Variants in SYT9 observed in about 807,000 individuals in gnomAD.
SYT9 encodes the protein synaptotagmin-9.
In SYT9, 22 loss-of-function variants were observed where a neutral mutation model predicts 48.4. The observed-to-expected ratio is 0.45, with a 90% CI of 0.32 to 0.65. The LOEUF (loss-of-function observed/expected upper bound fraction) is 0.65, where lower values mean the gene tolerates loss of function less well. SYT9 is among the 30% of genes least tolerant of loss of function. The probability of loss-of-function intolerance (pLI) is 0.03; values close to 1 mark genes in which losing one functional copy is unlikely to be tolerated. For synonymous variants in SYT9, 265 were observed against 245.0 expected (o/e 1.08, Z -0.76); for missense variants, 577 against 622.0 (o/e 0.93, Z 0.77).
chr11:7,255,233 G>A (rs7943099), intron 1 of SYT9, among the ~76,000 whole-genome samples: 1 of 151,924 alleles, frequency 6.6e-6, no homozygotes. Context: ...AACAGCAAGC[G>A]CAAAGGCCCT....
chr11:7,376,633 G>T (rs192467028), intron 3 of SYT9, among the ~76,000 whole-genome samples: 1 of 152,176 alleles, frequency 6.6e-6, no homozygotes. Flanking sequence ...TGGATTCCCT[G>T]TAGCAGTTGG....
At chr11:7,388,263 A>G (rs1850698330) in intron 3 of SYT9, among the ~76,000 whole-genome samples, 1 of 152,136 alleles carries the variant, frequency 6.6e-6, no homozygotes, top group East Asian at 1.9e-4. Flanking sequence ...TTTAATCCAA[A>G]TTTTAAAATC....
intron 3 of SYT9, among the ~76,000 whole-genome samples, chr11:7,346,025 T>C (rs931399808): frequency 2.6e-5 from 4 of 152,034 alleles, no homozygotes; most frequent in Non-Finnish European, 4.4e-5. Flanking sequence ...CAAAGCTACA[T>C]TGAAGTTGAT....
intron 6 of SYT9, among the ~76,000 whole-genome samples, chr11:7,426,974 G>A (rs914263857): frequency 2.0e-5 from 3 of 152,136 alleles, no homozygotes; most frequent in African/African-American, 7.2e-5. Flanking sequence ...TTTACCTTGA[G>A]TTATCAGCCC....
chr11:7,274,016 A>G (rs1215201000), intron 1 of SYT9, among the ~76,000 whole-genome samples: 1 of 152,196 alleles, frequency 6.6e-6, no homozygotes, highest in Non-Finnish European at 1.5e-5. Context: ...ATGTATACCT[A>G]TGTAACAAAT....
chr11:7,463,985 T>A (rs941228669), intron 6 of SYT9, among the ~76,000 whole-genome samples: 5 of 152,078 alleles, frequency 3.3e-5, no homozygotes, highest in African/African-American at 1.2e-4. Context: ...GTAAAAAAAA[T>A]TGGCTAAGGT....
intron 3 of SYT9, among the ~76,000 whole-genome samples, chr11:7,396,397 A>G (rs1281919501): frequency 1.3e-5 from 2 of 152,132 alleles, no homozygotes; most frequent in South Asian, 2.1e-4. Flanking sequence ...TTCATTCAAC[A>G]TAGTGCTTTT....
chr11:7,348,012 G>C (rs1039835072), intron 3 of SYT9, among the ~76,000 whole-genome samples: 1 of 152,300 alleles, frequency 6.6e-6, no homozygotes, highest in East Asian at 1.9e-4. Context: ...GAGGGGAAGG[G>C]GGAGACATCC....
At chr11:7,279,813 C>A (rs7130626) in intron 1 of SYT9, among the ~76,000 whole-genome samples, 2,843 of 152,134 alleles carry the variant, frequency 0.019, 74 homozygotes, top group African/African-American at 0.065. Context: ...TGATTGTGAC[C>A]CAGAAATTTC....
chr11:7,402,095 G>T (rs753227900), intron 3 of SYT9, among the ~76,000 whole-genome samples: 11 of 151,670 alleles, frequency 7.3e-5, no homozygotes, highest in Admixed American at 4.6e-4. Flanking sequence ...TCTTTAATTT[G>T]TGGATAATTT....
chr11:7,452,546 A>G (rs904978878), intron 6 of SYT9, among the ~76,000 whole-genome samples: 1 of 152,200 alleles, frequency 6.6e-6, no homozygotes, highest in Admixed American at 6.5e-5. Context: ...GGGTTTCCAC[A>G]TGTTGCTCCT....
At position 7,452,477 on chromosome 11, in the gene SYT9, T is replaced by G. The variant is rs575703660; in HGVS notation, c.1468-14315T>G. ...TGTGCAATGTCTTGAGAGGCTGCTC[T>G]GAAGAAGTTCTAATTTTTGACAAAG... On this transcript the variant is annotated intron_variant, in intron 6 of 6. Coordinates refer to ENST00000318881, the MANE Select transcript of SYT9 (RefSeq NM_175733.4). Among the ~76,000 whole-genome samples the G allele has an allele frequency of 6.6e-5, 10 of 152,342 alleles. No homozygotes were observed. In the East Asian group the frequency reaches 1.9e-3, roughly 29 times the overall value.
chr11:7,367,245 C>T (rs561548450), intron 3 of SYT9, among the ~76,000 whole-genome samples: 10 of 51,606 alleles, frequency 1.9e-4, no homozygotes, highest in Non-Finnish European at 3.7e-4. Flanking sequence ...CTACGCCCGG[C>T]TAATTTTTTT....
At chr11:7,384,408 C>T (rs923845187) in intron 3 of SYT9, among the ~76,000 whole-genome samples, 1 of 152,206 alleles carries the variant, frequency 6.6e-6, no homozygotes, top group Non-Finnish European at 1.5e-5. Context: ...TTCTCCCCCT[C>T]CACTTGGAAA....
intron 6 of SYT9, among the ~76,000 whole-genome samples, chr11:7,421,581 AC>A (rs1228841640): frequency 6.6e-6 from 1 of 152,166 alleles, no homozygotes; most frequent in Non-Finnish European, 1.5e-5. Context: ...TCTGCCACTC[AC>A]ATCCTCATTC....
chr11:7,407,780 T>C (rs1403340909), intron 3 of SYT9, among the ~76,000 whole-genome samples: 1 of 152,240 alleles, frequency 6.6e-6, no homozygotes, highest in African/African-American at 2.4e-5. Flanking sequence ...CCCAGCACCA[T>C]TTATTGAAGA....
intron 1 of SYT9, among the ~76,000 whole-genome samples, chr11:7,289,200 T>G (rs970775676): frequency 6.6e-6 from 1 of 152,264 alleles, no homozygotes; most frequent in African/African-American, 2.4e-5. Context: ...CTCTGGCTCC[T>G]GTTCTTCCAT....
At chr11:7,448,799 C>T (rs938125689) in intron 6 of SYT9, among the ~76,000 whole-genome samples, 5 of 152,170 alleles carry the variant, frequency 3.3e-5, no homozygotes. Flanking sequence ...ACAGCTTCCC[C>T]AGAGACCTGA....
chr11:7,252,350 G>A lies in SYT9; in HGVS notation c.145+19G>A. On this transcript the variant is annotated intron_variant, in intron 1 of 6. Transcript: ENST00000318881. The surrounding 1 kb of genome is among the most constrained non-coding windows in gnomAD (Gnocchi z 6.3). ...GACCCAGGTGAGTGCCGCCACCGCCGCCTGGAGGGACCTAAGGGCCCTGGG... is the reference window on the plus strand; with the variant it reads ...GACCCAGGTGAGTGCCGCCACCGCCACCTGGAGGGACCTAAGGGCCCTGGG... 4 of 1,448,650 alleles carry A rather than the reference G, an allele frequency of 2.8e-6. No individual in the cohort carries two copies. Among genetic ancestry groups the A allele is most frequent in the Non-Finnish European group, 3.6e-6 (4 of 1,099,836 alleles). 89.7% of individuals were successfully genotyped at this position (1,448,650 alleles called of 1,614,324 possible).
Sources: allele counts gnomAD v4.1 joint callset (sites outside exome capture counted in the v4.1 genomes callset), GRCh38; gene constraint gnomAD v4.1.1; non-coding constraint Gnocchi (gnomAD v3.1); transcripts MANE v1.5; gene names NCBI Gene and HGNC (gene_info 2026-07-23, HGNC 2026-07-21).